Variants in ARFGEF3 observed in about 807,000 individuals in gnomAD.
The protein encoded by ARFGEF3 is ARFGEF family member 3.
Under a neutral mutation model 221.7 loss-of-function variants are expected in ARFGEF3, and 96 were observed. The observed-to-expected ratio is 0.43, with a 90% CI of 0.37 to 0.51. The LOEUF is 0.51. Among genes scored for constraint, ARFGEF3 ranks in the 20% least tolerant of loss-of-function variants. ARFGEF3 has a pLI of 0.00. For synonymous variants in ARFGEF3, 1,145 were observed against 1,126.8 expected, an observed-to-expected ratio of 1.02 and a Z score of -0.32; for missense variants, 2,410 against 2,789.9, an observed-to-expected ratio of 0.86 and a Z score of 3.07.
At chr6:138,286,635 G>A (rs2114628735) in intron 15 of ARFGEF3, 66 bp from the exon 16 acceptor site, 1 of 1,272,744 alleles carries the variant, frequency 7.9e-7, no homozygotes, top group Non-Finnish European at 1.1e-6. Context: ...GCAAGAGAAT[G>A]TGATGTCATT....
At chr6:138,228,795 AG>A (rs1430539950) in intron 4 of ARFGEF3, among the ~76,000 whole-genome samples, 3 of 152,236 alleles carry the variant, frequency 2.0e-5, no homozygotes, top group South Asian at 2.1e-4. Flanking sequence ...TGAACAGATG[AG>A]AAAAATGCTC....
In ARFGEF3 at chr6:138,335,069, CA is replaced by C; in HGVS notation, c.6226del (p.Met2076CysfsTer31). 1 of 1,600,124 alleles carries C rather than the reference CA, an allele frequency of 6.2e-7. No individual in the cohort carries two copies. Among genetic ancestry groups the C allele is most frequent in the South Asian group, 1.1e-5 (1 of 87,940 alleles). On this transcript the variant is annotated frameshift_variant, in exon 33 of 34. Transcript: ENST00000251691. LOFTEE classifies it high-confidence loss of function. ...QRPQHLMDQG[Q>X]MRHSFSAGPE... ...TCCCCAGCACTTGATGGACCAAGGGCAAATGCGGCATTCCTTCAGCGCAGGC... is the reference window on the plus strand; with the variant it reads ...TCCCCAGCACTTGATGGACCAAGGGCAATGCGGCATTCCTTCAGCGCAGGC...
At chr6:138,210,224 G>A (rs1777699234) in intron 4 of ARFGEF3, among the ~76,000 whole-genome samples, 183 bp downstream of exon 4, 1 of 152,118 alleles carries the variant, frequency 6.6e-6, no homozygotes, top group East Asian at 1.9e-4. Context: ...CATCAAAAGG[G>A]ACAATTTCAA....
chr6:138,319,118 A>ATT lies in ARFGEF3; in HGVS notation c.4475-569_4475-568dup, dbSNP rs56283991. On this transcript the variant is annotated intron_variant, in intron 27 of 33. Transcript: ENST00000251691. ...ACCAGCACTCCACAATGCCCAGCTA[A>ATT]TTTTTTTTTTTTTTTTTGAGAAGGG... Among the ~76,000 whole-genome samples the ATT allele has an allele frequency of 1.0e-3, 144 of 139,756 alleles. 1 individual carries two copies. The highest frequency in any genetic ancestry group is 1.4e-3 in the African/African-American group (53 of 38,062). 91.7% of individuals were successfully genotyped at this position (139,756 alleles called of 152,430 possible).
At chr6:138,264,439 A>G (rs1778849516) in intron 12 of ARFGEF3, among the ~76,000 whole-genome samples, 1 of 152,214 alleles carries the variant, frequency 6.6e-6, no homozygotes. Context: ...CTTTCCCTCA[A>G]GTACAAGGGT....
At chr6:138,271,674 C>G (rs1274360483) in intron 12 of ARFGEF3, among the ~76,000 whole-genome samples, 1 of 152,222 alleles carries the variant, frequency 6.6e-6, no homozygotes, top group African/African-American at 2.4e-5. Context: ...ATGCTCATTA[C>G]ACTGCACAGT....
intron 1 of ARFGEF3, among the ~76,000 whole-genome samples, chr6:138,164,865 C>T (rs1776694031): frequency 6.6e-6 from 1 of 152,220 alleles, no homozygotes; most frequent in African/African-American, 2.4e-5. Context: ...GAAAACACGT[C>T]TCATCCCCCA....
At chr6:138,165,633 G>A (rs1314540106) in intron 1 of ARFGEF3, among the ~76,000 whole-genome samples, 6 of 151,288 alleles carry the variant, frequency 4.0e-5, no homozygotes, top group Non-Finnish European at 7.4e-5. Flanking sequence ...GGAGAGAGGG[G>A]TCATTTTCCT....
intron 10 of ARFGEF3, among the ~76,000 whole-genome samples, chr6:138,256,731 C>CAT (rs1481291156): frequency 6.6e-6 from 1 of 152,088 alleles, no homozygotes; most frequent in Non-Finnish European, 1.5e-5. Context: ...AGGCACTTCA[C>CAT]ATATATTTTT....
intron 12 of ARFGEF3, among the ~76,000 whole-genome samples, chr6:138,267,603 A>C (rs186945399): frequency 7.6e-4 from 116 of 152,352 alleles, no homozygotes; most frequent in African/African-American, 2.7e-3. Flanking sequence ...TTCTTATAAG[A>C]ATTAAGAAAT....
chr6:138,306,097 T>C (rs1484077443), intron 22 of ARFGEF3, among the ~76,000 whole-genome samples: 1 of 152,112 alleles, frequency 6.6e-6, no homozygotes, highest in Non-Finnish European at 1.5e-5. Flanking sequence ...ATATGGGATT[T>C]GCAAAAAAAT....
In ARFGEF3 at chr6:138,180,836, T is replaced by G. The variant is rs569927824; in HGVS notation, c.137+10123T>G. Among the ~76,000 whole-genome samples, 22 of 152,338 alleles carry G rather than the reference T, an allele frequency of 1.4e-4. 1 individual carries two copies. The highest frequency in any genetic ancestry group is 4.8e-4 in the African/African-American group (20 of 41,590). On this transcript the variant is annotated intron_variant, in intron 2 of 33. Coordinates refer to ENST00000251691, the MANE Select transcript of ARFGEF3 (RefSeq NM_020340.5). ...CCATAAACAGGTGACCAGAAAAATC[T>G]GTTTGCAAGGAGAGAGTGGCACATG...
chr6:138,305,625 A>AAG (rs1554257063), intron 22 of ARFGEF3, among the ~76,000 whole-genome samples: 3 of 151,814 alleles, frequency 2.0e-5, no homozygotes, highest in African/African-American at 4.8e-5. Flanking sequence ...AAAAAAAAAA[A>AAG]AAAAAGCCAA....
intron 12 of ARFGEF3, among the ~76,000 whole-genome samples, chr6:138,273,736 G>C (rs914458114): frequency 1.3e-5 from 2 of 152,116 alleles, no homozygotes; most frequent in Admixed American, 1.3e-4. Context: ...GTAAACAATA[G>C]GGCAGGATTA....
At chr6:138,270,457 CACACACATAT>C (rs1173583274) in intron 12 of ARFGEF3, among the ~76,000 whole-genome samples, 1 of 132,096 alleles carries the variant, frequency 7.6e-6, no homozygotes, top group African/African-American at 4.3e-5. Flanking sequence ...CACACACACA[CACACACATAT>C]ATATATCTGG....
chr6:138,223,623 T>C (rs983190629), intron 4 of ARFGEF3, among the ~76,000 whole-genome samples: 2 of 152,206 alleles, frequency 1.3e-5, no homozygotes, highest in African/African-American at 2.4e-5. Flanking sequence ...TAATTTCTTG[T>C]TCATTCAATA....
intron 2 of ARFGEF3, among the ~76,000 whole-genome samples, chr6:138,174,821 G>C (rs2114437077): frequency 6.6e-6 from 1 of 152,090 alleles, no homozygotes; most frequent in African/African-American, 2.4e-5. Context: ...GTTAAATATA[G>C]TCCCATTCTC....
chr6:138,204,051 A>G (rs1777584822), intron 2 of ARFGEF3, among the ~76,000 whole-genome samples: 1 of 151,980 alleles, frequency 6.6e-6, no homozygotes, highest in African/African-American at 2.4e-5. Flanking sequence ...ACATAAAAAG[A>G]TTCGAGGCCA....
chr6:138,215,437 G>A lies in ARFGEF3; in HGVS notation c.351+5396G>A, dbSNP rs146966429. 2.8e-4 allele frequency among the ~76,000 whole-genome samples: 42 copies of A among 152,292 alleles called. No homozygotes were observed. The East Asian group carries it at 5.4e-3, about 20-fold the overall frequency. ...TTTTAGATAATAGAAGTGAATATTC[G>A]TAGAGTGCTTTGCAATTTTTAAAGG... On this transcript the variant is annotated intron_variant, in intron 4 of 33. Coordinates refer to ENST00000251691, the MANE Select transcript of ARFGEF3 (RefSeq NM_020340.5).
Sources: allele counts gnomAD v4.1 joint callset (sites outside exome capture counted in the v4.1 genomes callset), GRCh38; gene constraint gnomAD v4.1.1; transcripts MANE v1.5; gene names NCBI Gene and HGNC (gene_info 2026-07-23, HGNC 2026-07-21).